ARB2A: variants seen among roughly 807,000 people sequenced by gnomAD.
The protein encoded by ARB2A is ARB2 cotranscriptional regulator A.
At chr5:94,029,071 A>C in the ARB2A span, among the ~76,000 whole-genome samples, 1 of 152,194 alleles carries the variant, frequency 6.6e-6, no homozygotes, top group Non-Finnish European at 1.5e-5. Flanking sequence ...GCAGTGAAGC[A>C]ATATCCGCCT....
chr5:93,825,295 T>C, the ARB2A span, among the ~76,000 whole-genome samples: 3 of 64,594 alleles, frequency 4.6e-5, no homozygotes, highest in East Asian at 1.8e-3. Context: ...TCTCATCAAT[T>C]AGGGCACAAA....
At chr5:93,700,307 A>C in the ARB2A span, among the ~76,000 whole-genome samples, 1 of 152,150 alleles carries the variant, frequency 6.6e-6, no homozygotes, top group Non-Finnish European at 1.5e-5. Context: ...CTGTCTCATA[A>C]ATCATCCCTA....
At chr5:93,740,775 C>T in the ARB2A span, 1 of 1,612,420 alleles carries the variant, frequency 6.2e-7, no homozygotes, top group Non-Finnish European at 8.5e-7. Context: ...GACTGCCCAT[C>T]TTGCTGCGGT....
the ARB2A span, among the ~76,000 whole-genome samples, chr5:93,825,169 T>A: frequency 6.6e-6 from 1 of 152,232 alleles, no homozygotes; most frequent in African/African-American, 2.4e-5. Context: ...GTGCAACAGT[T>A]TTGGTACACA....
the ARB2A span, among the ~76,000 whole-genome samples, chr5:93,856,890 G>GT: frequency 6.6e-6 from 1 of 151,896 alleles, no homozygotes; most frequent in Non-Finnish European, 1.5e-5. Flanking sequence ...TTTCTGCTCT[G>GT]TTTTTTCCCC....
the ARB2A span, among the ~76,000 whole-genome samples, chr5:94,034,360 CA>C: frequency 6.6e-6 from 1 of 152,074 alleles, no homozygotes; most frequent in Non-Finnish European, 1.5e-5. Context: ...CCACACAGGG[CA>C]AAAGGTTGAT....
At chr5:93,757,207 G>A in the ARB2A span, among the ~76,000 whole-genome samples, 1 of 152,014 alleles carries the variant, frequency 6.6e-6, no homozygotes, top group Admixed American at 6.6e-5. Context: ...TATGAACAAA[G>A]CCTCTAAGAA....
At chr5:93,892,533 A>C in the ARB2A span, among the ~76,000 whole-genome samples, 5 of 152,116 alleles carry the variant, frequency 3.3e-5, no homozygotes, top group Admixed American at 3.3e-4. Flanking sequence ...GTTTCAACTA[A>C]TTTTTACTAT....
chr5:93,916,379 CATTTAA>C, the ARB2A span, among the ~76,000 whole-genome samples: 6 of 152,172 alleles, frequency 3.9e-5, no homozygotes, highest in South Asian at 2.1e-4. Context: ...ATCAAGCATA[CATTTAA>C]ATTTAAAGTA....
At chr5:94,048,237 T>C in the ARB2A span, among the ~76,000 whole-genome samples, 7 of 151,982 alleles carry the variant, frequency 4.6e-5, no homozygotes, top group African/African-American at 1.7e-4. Flanking sequence ...GTATTTTTAG[T>C]ACAGACAGGG....
the ARB2A span, among the ~76,000 whole-genome samples, chr5:93,948,222 GTATCTCATTGTGGT>G: frequency 6.6e-6 from 1 of 152,120 alleles, no homozygotes. Flanking sequence ...GTTTGAGATG[GTATCTCATTGTGGT>G]TTTGATTTGC....
chr5:93,929,108 T>C, the ARB2A span, among the ~76,000 whole-genome samples: 1 of 152,148 alleles, frequency 6.6e-6, no homozygotes, highest in African/African-American at 2.4e-5. Context: ...ATTAGATACA[T>C]ATCCAGAATC....
chr5:93,826,831 T>G, the ARB2A span, among the ~76,000 whole-genome samples: 1 of 144,924 alleles, frequency 6.9e-6, no homozygotes, highest in Non-Finnish European at 1.5e-5. Flanking sequence ...CAACTATGAG[T>G]GAGAACATGC....
chr5:93,680,523 AT>A, the ARB2A span, among the ~76,000 whole-genome samples: 1 of 152,084 alleles, frequency 6.6e-6, no homozygotes, highest in Non-Finnish European at 1.5e-5. Context: ...AATTCTTGGA[AT>A]TCATTTATTT....
At chr5:93,879,593 A>G in the ARB2A span, among the ~76,000 whole-genome samples, 5 of 151,916 alleles carry the variant, frequency 3.3e-5, no homozygotes, top group East Asian at 3.9e-4. Flanking sequence ...TTTCCTTGGT[A>G]TAAGAAAAAA....
At chr5:93,633,217 T>G in the ARB2A span, among the ~76,000 whole-genome samples, 1 of 152,210 alleles carries the variant, frequency 6.6e-6, no homozygotes, top group African/African-American at 2.4e-5. Context: ...TTCCTTTCCA[T>G]TCCCTCTGCA....
At chr5:93,679,853 G>A in the ARB2A span, among the ~76,000 whole-genome samples, 2 of 152,044 alleles carry the variant, frequency 1.3e-5, no homozygotes, top group African/African-American at 4.8e-5. Flanking sequence ...ACTCAATTTA[G>A]AGCATAATGT....
the ARB2A span, among the ~76,000 whole-genome samples, chr5:93,772,644 T>C: frequency 1.3e-5 from 2 of 152,182 alleles, no homozygotes; most frequent in Non-Finnish European, 2.9e-5. Context: ...CTCACAAGAC[T>C]ACAATCAAGG....
the ARB2A span, among the ~76,000 whole-genome samples, chr5:93,878,551 A>G: frequency 6.6e-6 from 1 of 152,006 alleles, no homozygotes; most frequent in Non-Finnish European, 1.5e-5. Flanking sequence ...ACCCTCCAAA[A>G]GCTAAAAATT....
Sources: allele counts gnomAD v4.1 joint callset (sites outside exome capture counted in the v4.1 genomes callset), GRCh38; gene constraint gnomAD v4.1.1; transcripts MANE v1.5; gene names NCBI Gene and HGNC (gene_info 2026-07-23, HGNC 2026-07-21).